CPA6: variants seen among roughly 807,000 people sequenced by gnomAD.
CPA6 encodes the protein carboxypeptidase A6, also known as carboxypeptidase B.
Under a neutral mutation model 63.3 loss-of-function variants are expected in CPA6, and 58 were observed. That is an observed-to-expected ratio of 0.92 (90% confidence interval 0.74 to 1.14). The LOEUF (loss-of-function observed/expected upper bound fraction) is 1.14. Ranked by LOEUF, CPA6 falls within the 50% of genes most tolerant of loss-of-function variation. The pLI is 0.00. For missense variants in CPA6, 565 were observed against 526.6 expected (o/e 1.07, Z -0.71); for synonymous variants, 185 against 179.0 (o/e 1.03, Z -0.27).
intron 1 of CPA6, among the ~76,000 whole-genome samples, chr8:67,646,494 C>A (rs183609574): frequency 6.6e-6 from 1 of 152,182 alleles, no homozygotes; most frequent in Non-Finnish European, 1.5e-5. Context: ...ACACTCCAAC[C>A]GAGCAAACCT....
Position 67,746,216 on chromosome 8 carries a change from G to T in CPA6, c.-87C>A, listed in dbSNP as rs559634854. On this transcript the variant is annotated 5_prime_UTR_variant, in exon 1 of 11. Coordinates refer to ENST00000297770, the MANE Select transcript of CPA6 (RefSeq NM_020361.5). ...ACAGCACCCTCTACACACCGCACAG[G>T]TTCTCCGGGAAGGGGGTGGGCGAGG... The T allele has an allele frequency of 9.6e-5, 82 of 854,968 alleles. 1 individual carries two copies. In the East Asian group the frequency reaches 1.2e-3, roughly 13 times the overall value. 53.0% of individuals were successfully genotyped at this position (854,968 alleles called of 1,614,324 possible).
chr8:67,589,978 T>G (rs1041235532), intron 2 of CPA6, among the ~76,000 whole-genome samples: 1 of 151,934 alleles, frequency 6.6e-6, no homozygotes, highest in African/African-American at 2.4e-5. Context: ...CATGCTGGTG[T>G]GCTGCACCCA....
At chr8:67,430,404 T>G (rs1810001982) in intron 9 of CPA6, among the ~76,000 whole-genome samples, 1 of 151,994 alleles carries the variant, frequency 6.6e-6, no homozygotes, top group African/African-American at 2.4e-5. Context: ...GGTCTCAAAC[T>G]CCTGACCTCA....
At chr8:67,555,530 T>C (rs1489552769) in intron 2 of CPA6, among the ~76,000 whole-genome samples, 1 of 152,218 alleles carries the variant, frequency 6.6e-6, no homozygotes, top group Non-Finnish European at 1.5e-5. Flanking sequence ...AGTTGTAGTC[T>C]TTAAATTAAA....
chr8:67,593,143 C>T (rs1019801058), intron 2 of CPA6, among the ~76,000 whole-genome samples: 6 of 150,544 alleles, frequency 4.0e-5, no homozygotes, highest in Admixed American at 3.3e-4. Context: ...TCATTATGTA[C>T]CCAGTAGTCA....
At chr8:67,520,448 C>T (rs1465662893) in intron 2 of CPA6, among the ~76,000 whole-genome samples, 1 of 152,078 alleles carries the variant, frequency 6.6e-6, no homozygotes, top group African/African-American at 2.4e-5. Context: ...ATCAGGAATT[C>T]TATTTTGTTG....
At chr8:67,540,487 G>A (rs1587538563) in intron 2 of CPA6, among the ~76,000 whole-genome samples, 1 of 152,286 alleles carries the variant, frequency 6.6e-6, no homozygotes, top group South Asian at 2.1e-4. Flanking sequence ...TGGGGGTCAG[G>A]GACCCACCTG....
intron 1 of CPA6, among the ~76,000 whole-genome samples, chr8:67,645,000 A>G (rs1184815021): frequency 6.6e-6 from 1 of 152,196 alleles, no homozygotes; most frequent in Non-Finnish European, 1.5e-5. Context: ...CATCCTTCAC[A>G]ATCACACCCC....
intron 2 of CPA6, among the ~76,000 whole-genome samples, chr8:67,533,629 A>C (rs1363955983): frequency 6.6e-6 from 1 of 152,254 alleles, no homozygotes; most frequent in African/African-American, 2.4e-5. Context: ...CACAAGCATT[A>C]GTGAGCAATA....
At chr8:67,737,191 C>A (rs991841127) in intron 1 of CPA6, among the ~76,000 whole-genome samples, 1 of 152,174 alleles carries the variant, frequency 6.6e-6, no homozygotes. Context: ...CTGCAGCCTT[C>A]CCTCCCGCCT....
intron 6 of CPA6, among the ~76,000 whole-genome samples, chr8:67,491,314 A>G (rs1811600942): frequency 6.6e-6 from 1 of 151,820 alleles, no homozygotes; most frequent in African/African-American, 2.4e-5. Context: ...AAAATGGTCA[A>G]TCAAATAACA....
At chr8:67,620,460 T>C (rs1167272575) in intron 2 of CPA6, among the ~76,000 whole-genome samples, 1 of 152,124 alleles carries the variant, frequency 6.6e-6, no homozygotes, top group Non-Finnish European at 1.5e-5. Context: ...CACAGTGTGA[T>C]TTAGGGAAGG....
intron 2 of CPA6, among the ~76,000 whole-genome samples, chr8:67,532,113 A>G (rs1443650847): frequency 1.3e-5 from 2 of 151,876 alleles, no homozygotes; most frequent in African/African-American, 4.8e-5. Context: ...ACAAAAAAGT[A>G]AAAAAAATAA....
intron 1 of CPA6, among the ~76,000 whole-genome samples, chr8:67,641,732 GAAC>G (rs1290878899): frequency 2.0e-5 from 3 of 151,356 alleles, no homozygotes; most frequent in Non-Finnish European, 4.4e-5. Flanking sequence ...GTGTAAATAA[GAAC>G]AAAACATAAA....
At chr8:67,610,821 G>A (rs1281952570) in intron 2 of CPA6, among the ~76,000 whole-genome samples, 1 of 152,144 alleles carries the variant, frequency 6.6e-6, no homozygotes, top group Non-Finnish European at 1.5e-5. Flanking sequence ...GCTAAGTCAT[G>A]TTAGAAAGGA....
At chr8:67,540,835 A>C (rs1812688783) in intron 2 of CPA6, among the ~76,000 whole-genome samples, 1 of 152,110 alleles carries the variant, frequency 6.6e-6, no homozygotes, top group African/African-American at 2.4e-5. Context: ...AGCCTCAGTG[A>C]TGGTGGACGC....
At chr8:67,745,358 C>T (rs564895351) in intron 1 of CPA6, among the ~76,000 whole-genome samples, 17 of 152,322 alleles carry the variant, frequency 1.1e-4, no homozygotes, top group East Asian at 1.9e-4. Context: ...TAGTAACACA[C>T]GGCTTCCAGC....
Position 67,475,861 on chromosome 8 carries a change from T to C in CPA6, c.838+7907A>G, listed in dbSNP as rs1230093499. Among the ~76,000 whole-genome samples the C allele has an allele frequency of 2.5e-3, 249 of 99,052 alleles. 12 individuals carry two copies. Among genetic ancestry groups the C allele is most frequent in the African/African-American group, 6.7e-3 (156 of 23,368 alleles). The allele number at this position is 99,052 out of a possible 152,430, so 65.0% of individuals were successfully genotyped here. The stretch of plus-strand genomic sequence containing the variant: ...TTTCTTTCTTTCTTTCTTTCTTTCT[T>C]TCTTTCTTTCTTTCTTTCTCCTTTC... On this transcript the variant is annotated intron_variant, in intron 8 of 10. Coordinates refer to ENST00000297770, the MANE Select transcript of CPA6 (RefSeq NM_020361.5).
chr8:67,488,923 A>G (rs527318201), intron 6 of CPA6, among the ~76,000 whole-genome samples: 34 of 152,260 alleles, frequency 2.2e-4, no homozygotes, highest in South Asian at 2.1e-3. Context: ...CTTCACAGAA[A>G]TTGCTTATCA....
Sources: allele counts gnomAD v4.1 joint callset (sites outside exome capture counted in the v4.1 genomes callset), GRCh38; gene constraint gnomAD v4.1.1; transcripts MANE v1.5; gene names NCBI Gene and HGNC (gene_info 2026-07-23, HGNC 2026-07-21).